Variants in PRKN observed in about 807,000 individuals in gnomAD.
The protein encoded by PRKN is parkin RBR E3 ubiquitin protein ligase, also known as E3 ubiquitin-protein ligase parkin.
A neutral mutation model predicts 59.5 loss-of-function variants in PRKN; 56 were observed. The observed-to-expected ratio is 0.94, with a 90% CI of 0.76 to 1.18. The LOEUF is 1.18. Ranked by LOEUF, PRKN falls within the 50% of genes most tolerant of loss-of-function variation. The pLI is 0.00. For missense variants in PRKN, 657 were observed against 596.4 expected (o/e 1.10, Z -1.06); for synonymous variants, 250 against 222.1 (o/e 1.13, Z -1.12).
chr6:161,593,716 AG>A lies in PRKN; in HGVS notation c.872-24301del, dbSNP rs1781809934. 6.6e-6 allele frequency among the ~76,000 whole-genome samples: 1 copy of A among 152,168 alleles called. No homozygotes were observed. Among genetic ancestry groups the A allele is most frequent in the South Asian group, 2.1e-4 (1 of 4,834 alleles). ...CTGGGGAAGAGCGAGAGAGGGCTCGAGGAGTTCTGCTTCGGATGCCACATTG... is the reference window on the plus strand; with the variant it reads ...CTGGGGAAGAGCGAGAGAGGGCTCGAGAGTTCTGCTTCGGATGCCACATTG... On this transcript the variant is annotated intron_variant, in intron 7 of 11. Transcript: ENST00000366898. The surrounding 1 kb of genome is among the most constrained non-coding windows in gnomAD (Gnocchi z 4.8).
intron 1 of PRKN, among the ~76,000 whole-genome samples, chr6:162,717,330 ACTT>A (rs1778766906): frequency 6.6e-6 from 1 of 152,098 alleles, no homozygotes; most frequent in African/African-American, 2.4e-5. Context: ...TAATCTGACA[ACTT>A]TGGGAGACTG....
intron 6 of PRKN, among the ~76,000 whole-genome samples, chr6:161,940,927 C>T (rs994625557): frequency 2.6e-5 from 4 of 152,178 alleles, no homozygotes; most frequent in Non-Finnish European, 5.9e-5. Context: ...TCCCCGCACA[C>T]ACCATGAAAT....
Position 161,400,149 on chromosome 6 carries a change from C to T in PRKN, c.1084-13272G>A, listed in dbSNP as rs968175828. Among the ~76,000 whole-genome samples, 14 of 151,994 alleles carry T rather than the reference C, an allele frequency of 9.2e-5. No homozygotes were observed. The highest frequency in any genetic ancestry group is 5.9e-4 in the Admixed American group (9 of 15,274). On this transcript the variant is annotated intron_variant, in intron 9 of 11. Transcript: ENST00000366898. This position sits in a 1 kb window ranked among gnomAD's most constrained non-coding sequence, Gnocchi z 4.2. ...CCATGCTGGCCACCACGCTGGACTG[C>T]GCAGGTCTACAAGGACCCTGCTGTC... is the stretch of plus-strand genomic sequence containing the variant.
At position 161,372,473 on chromosome 6, in the gene PRKN, AT is replaced by A. The variant is rs1785478264; in HGVS notation, c.1168-12269del. 6.6e-6 allele frequency among the ~76,000 whole-genome samples: 1 copy of A among 152,244 alleles called. No homozygotes were observed. The highest frequency in any genetic ancestry group is 2.1e-4 in the South Asian group (1 of 4,834). On this transcript the variant is annotated intron_variant, in intron 10 of 11. Transcript: ENST00000366898. The surrounding 1 kb of genome is among the most constrained non-coding windows in gnomAD (Gnocchi z 4.2). Reference sequence around the variant, plus strand: ...CTAGAGTGAATGCAGAAATATTTTCATTCAAGAAACATGTGTTGGGTGTCTA... The same window carrying A: ...CTAGAGTGAATGCAGAAATATTTTCATCAAGAAACATGTGTTGGGTGTCTA...
rs186470410 is a variant in PRKN, at chr6:161,727,236, A to G, written c.871+58536T>C. Among the ~76,000 whole-genome samples the G allele has an allele frequency of 8.5e-5, 13 of 152,260 alleles. No homozygotes were observed. In the East Asian group the frequency reaches 2.5e-3, roughly 29 times the overall value. The stretch of plus-strand genomic sequence containing the variant: ...GGGGAGGAACAATCTCACACCTCTC[A>G]GCCGTCCAACCAACCCCTGCAGGGC... On this transcript the variant is annotated intron_variant, in intron 7 of 11. Coordinates refer to ENST00000366898, the MANE Select transcript of PRKN (RefSeq NM_004562.3).
chr6:161,832,520 A>G (rs1321672591), intron 6 of PRKN, among the ~76,000 whole-genome samples: 1 of 147,720 alleles, frequency 6.8e-6, no homozygotes, highest in African/African-American at 2.5e-5. Context: ...GCTACTCGGG[A>G]GGCTGAGGCA....
chr6:162,020,571 G>C (rs1783107518), intron 5 of PRKN, among the ~76,000 whole-genome samples: 1 of 152,094 alleles, frequency 6.6e-6, no homozygotes, highest in Non-Finnish European at 1.5e-5. Flanking sequence ...GTAAGGGACA[G>C]ATATATATGT....
intron 1 of PRKN, among the ~76,000 whole-genome samples, chr6:162,637,663 T>C (rs1052761102): frequency 5.3e-5 from 8 of 152,170 alleles, no homozygotes; most frequent in African/African-American, 1.9e-4. Context: ...CCCTATTAAC[T>C]CTGACTATCA....
chr6:162,188,416 C>T (rs545905559), intron 4 of PRKN, among the ~76,000 whole-genome samples: 18 of 152,168 alleles, frequency 1.2e-4, no homozygotes, highest in Non-Finnish European at 2.2e-4. Flanking sequence ...CATTCTCCAA[C>T]CTGAACACCA....
At chr6:162,070,964 A>C (rs1778550720) in intron 4 of PRKN, among the ~76,000 whole-genome samples, 1 of 152,056 alleles carries the variant, frequency 6.6e-6, no homozygotes, top group South Asian at 2.1e-4. Flanking sequence ...GAGGAAGTAG[A>C]AACTTCCAGT....
intron 4 of PRKN, among the ~76,000 whole-genome samples, chr6:162,108,651 T>C (rs1780293292): frequency 6.6e-6 from 1 of 152,182 alleles, no homozygotes; most frequent in Non-Finnish European, 1.5e-5. Context: ...TAGTTAAACA[T>C]AGGCCTAGCA....
chr6:162,456,875 T>C (rs990886836), intron 1 of PRKN, among the ~76,000 whole-genome samples: 1 of 152,160 alleles, frequency 6.6e-6, no homozygotes, highest in African/African-American at 2.4e-5. Flanking sequence ...ACAACGGACA[T>C]CACCACCTAC....
chr6:162,043,119 C>T (rs1176134900), intron 5 of PRKN, among the ~76,000 whole-genome samples: 1 of 152,110 alleles, frequency 6.6e-6, no homozygotes. Context: ...CCCTGATAAA[C>T]CCATCAGATC....
chr6:162,012,670 G>A (rs1185979506), intron 5 of PRKN, among the ~76,000 whole-genome samples: 4 of 152,054 alleles, frequency 2.6e-5, no homozygotes, highest in African/African-American at 9.7e-5. Context: ...AATTATATCT[G>A]TAACACCCAA....
intron 1 of PRKN, among the ~76,000 whole-genome samples, chr6:162,693,779 T>C (rs1013972698): frequency 6.6e-6 from 1 of 152,224 alleles, no homozygotes; most frequent in Admixed American, 6.5e-5. Context: ...AAGAGGTACA[T>C]AGTGACTAAA....
At chr6:162,200,253 A>T (rs73594292) in intron 4 of PRKN, among the ~76,000 whole-genome samples, 6,867 of 152,118 alleles carry the variant, frequency 0.045, 533 homozygotes, top group African/African-American at 0.16. Flanking sequence ...CTCTATTGCA[A>T]CCACATCACA....
intron 4 of PRKN, among the ~76,000 whole-genome samples, chr6:162,059,599 TAGA>T (rs1224277742): frequency 6.6e-6 from 1 of 152,170 alleles, no homozygotes; most frequent in Non-Finnish European, 1.5e-5. Flanking sequence ...TGCATGGCAG[TAGA>T]AGGGAGCTAT....
chr6:161,577,299 G>A (rs1353572527), intron 7 of PRKN, among the ~76,000 whole-genome samples: 1 of 152,128 alleles, frequency 6.6e-6, no homozygotes, highest in African/African-American at 2.4e-5. Context: ...ATCAAAGCCG[G>A]GTAGTGTGTA....
At chr6:162,504,164 G>T (rs1453278683) in intron 1 of PRKN, among the ~76,000 whole-genome samples, 1 of 152,166 alleles carries the variant, frequency 6.6e-6, no homozygotes, top group African/African-American at 2.4e-5. Context: ...AACCCGGAGT[G>T]GTGAGAACAC....
Sources: gnomAD v4.1 joint callset for allele counts (sites outside exome capture counted in the v4.1 genomes callset) on GRCh38, gnomAD v4.1.1 for gene constraint, Gnocchi (gnomAD v3.1) non-coding constraint, MANE v1.5 for transcripts, NCBI Gene and HGNC (gene_info 2026-07-23, HGNC 2026-07-21) for gene names.